Variants in DSC2 observed in about 807,000 individuals in gnomAD.
DSC2 encodes desmocollin 2.
DSC2 carries 51 observed loss-of-function variants against 87.6 expected under a neutral mutation model. The ratio of observed to expected loss-of-function variants is 0.58; its 90% CI spans 0.46 to 0.74. The LOEUF (loss-of-function observed/expected upper bound fraction) is 0.74. Ranked by LOEUF, DSC2 falls within the 30% of genes least tolerant of loss-of-function variation. The pLI is 0.00. For missense variants in DSC2, 1,066 were observed against 1,089.5 expected (o/e 0.98, Z 0.30); for synonymous variants, 383 against 393.2 (o/e 0.97, Z 0.31).
chr18:31,070,683 C>A (rs746396691), intron 14 of DSC2, 43 bp downstream of exon 14: 1 of 1,611,364 alleles, frequency 6.2e-7, no homozygotes, highest in South Asian at 1.1e-5. Context: ...GCATTATAAG[C>A]GAATTCATCC....
At chr18:31,097,148 C>G (rs62087332) in intron 1 of DSC2, among the ~76,000 whole-genome samples, 1 of 151,530 alleles carries the variant, frequency 6.6e-6, no homozygotes, top group African/African-American at 2.4e-5. Context: ...ATTAGCCAGG[C>G]GTGGTGGCGG....
intron 2 of DSC2, 98 bp downstream of exon 2, chr18:31,093,461 G>T: frequency 1.1e-6 from 1 of 900,342 alleles, no homozygotes. Flanking sequence ...CCCTTCCAAG[G>T]GACAAGATCT....
rs1173445073 is a variant in DSC2 at position 31,089,187 on chromosome 18, TTCTTCAAAGTGG to T, written c.630+240_630+251del. 3.9e-3 allele frequency among the ~76,000 whole-genome samples: 571 copies of T among 148,284 alleles called. 4 individuals are homozygous for T. Among genetic ancestry groups the T allele is most frequent in the African/African-American group, 0.013 (538 of 40,492 alleles). On this transcript the variant is annotated intron_variant, in intron 5 of 15. Coordinates refer to ENST00000280904, the MANE Select transcript of DSC2 (RefSeq NM_024422.6). ...CTCAAAAAAAAAAAAAAAAAAACTG[TTCTTCAAAGTGG>T]TACTGTTGTGGGGGAAAAAAAAATA...
Position 31,082,259 on chromosome 18 carries a change from T to C in DSC2, c.1242A>G (p.Glu414=), listed in dbSNP as rs535216461. Residue 414 remains glutamate, a synonymous_variant, in exon 9 of 16, where the codon GAA becomes GAG. Coordinates refer to ENST00000280904, the MANE Select transcript of DSC2 (RefSeq NM_024422.6). ...TTACCTTAACTACACAAAGAACTCC[T>C]TCATTGGTTTTGGCATCTGTTACAA... The part of the protein sequence containing the change: ...FKIVTDAKTN[E]GVLCVVKPLN... 6.2e-7 allele frequency: 1 copy of C among 1,613,616 alleles called. No individual in the cohort carries two copies. Among genetic ancestry groups the C allele is most frequent in the South Asian group, 1.1e-5 (1 of 91,016 alleles).
At position 31,074,733 on chromosome 18, in the gene DSC2, T is replaced by C. The variant is rs755025922; in HGVS notation, c.1838A>G (p.Glu613Gly). 6.2e-7 allele frequency: 1 copy of C among 1,613,958 alleles called. No homozygotes were observed. Among genetic ancestry groups the C allele is most frequent in the Non-Finnish European group, 8.5e-7 (1 of 1,179,958 alleles). Residue 613 changes from glutamate (E) to glycine (G), a missense_variant, in exon 12 of 16, where the codon GAG becomes GGG. Glu to Gly is a moderately conservative substitution (Grantham distance 98). Transcript: ENST00000280904. ...TCTCTGTACTTCTGAAGTAGAACTCTCCAGACTAAAGTCAAAGGGTGGGCC... is the reference window on the plus strand; with the variant it reads ...TCTCTGTACTTCTGAAGTAGAACTCCCCAGACTAAAGTCAAAGGGTGGGCC... ...IHGPPFDFSL[E>G]SSTSEVQRMW...
intron 11 of DSC2, among the ~76,000 whole-genome samples, chr18:31,075,966 G>A (rs1474093825): frequency 6.6e-6 from 1 of 152,196 alleles, no homozygotes; most frequent in East Asian, 1.9e-4. Flanking sequence ...AAACAGCCAT[G>A]GACCCACGCC....
At chr18:31,091,253 G>T (rs961389547) in intron 3 of DSC2, 106 bp from the exon 4 acceptor site, 2 of 1,413,280 alleles carry the variant, frequency 1.4e-6, no homozygotes, top group Admixed American at 1.9e-5. Flanking sequence ...GCTGGGTAGG[G>T]GTGAGACCAT....
chr18:31,069,192 G>A, intron 14 of DSC2, 41 bp from the exon 15 acceptor site: 1 of 1,612,776 alleles, frequency 6.2e-7, no homozygotes, highest in Non-Finnish European at 8.5e-7. Context: ...ATACAGAGAG[G>A]AACACAAAAT....
At position 31,071,683 on chromosome 18, in the gene DSC2, G is replaced by T. The variant is rs1386709734; in HGVS notation, c.2047C>A (p.Pro683Thr). The change falls in exon 13 of 16, where the codon CCA becomes ACA. Residue 683 changes from proline to threonine, a missense_variant. Physicochemically the swap from Pro to Thr is conservative, Grantham distance 38. Transcript: ENST00000280904. ...TENDCTHRVD[P>T]RIGGGGVQLG... ...TGTACTCCTCCACCGCCAATCCTTG[G>T]ATCTACACGATGTGTGCAGTCATTT... The T allele has an allele frequency of 6.2e-7, 1 of 1,613,558 alleles. No homozygotes were observed. The highest frequency in any genetic ancestry group is 8.5e-7 in the Non-Finnish European group (1 of 1,179,920).
At chr18:31,081,205 T>G (rs1164863394) in intron 9 of DSC2, among the ~76,000 whole-genome samples, 1 of 152,152 alleles carries the variant, frequency 6.6e-6, no homozygotes, top group African/African-American at 2.4e-5. Context: ...TTAAAATGCT[T>G]TTAAGAGGAG....
intron 11 of DSC2, among the ~76,000 whole-genome samples, chr18:31,075,380 G>T (rs1986981159): frequency 6.6e-6 from 1 of 152,186 alleles, no homozygotes; most frequent in Admixed American, 6.5e-5. Flanking sequence ...TAAATAGGTA[G>T]CACTTAGGTT....
At position 31,060,276 on chromosome 18, in the gene DSC2, G is replaced by C. The variant is rs1435233879; in HGVS notation, c.*7739C>G. The C allele has an allele frequency of 8.7e-6, 1 of 115,212 alleles. No homozygotes were observed. The highest frequency in any genetic ancestry group is 3.3e-5 in the African/African-American group (1 of 30,244). The allele number at this position is 115,212 out of a possible 1,614,324, so 7.1% of individuals were successfully genotyped here. A position where few individuals can be genotyped will look rare whatever the true frequency, so the allele number is the denominator to read the frequency against. ...AAATCCCTTTTACTTGATTTCATTG[G>C]TAATTCTGCATCACATCTTGTGTAT... is the stretch of plus-strand genomic sequence containing the variant. On this transcript the variant is annotated 3_prime_UTR_variant, in exon 16 of 16. Transcript: ENST00000280904.
rs866805043 is a variant in DSC2, at chr18:31,069,058, C to T, written c.2344G>A (p.Glu782Lys). The change falls in exon 15 of 16, where the codon GAG becomes AAG. Residue 782 changes from glutamate (E) to lysine (K), a missense_variant. Coordinates refer to ENST00000280904, the MANE Select transcript of DSC2 (RefSeq NM_024422.6). ...VGSGIKNGGQ[E>K]TIEMVKGGHQ... ...CCTCCTTTCACCATTTCGATGGTCTCCTGACCTCCGTTTTTGATTCCTGAT... is the reference window on the plus strand; with the variant it reads ...CCTCCTTTCACCATTTCGATGGTCTTCTGACCTCCGTTTTTGATTCCTGAT... 3.7e-6 allele frequency: 6 copies of T among 1,614,112 alleles called. No homozygotes were observed. The highest frequency in any genetic ancestry group is 5.1e-6 in the Non-Finnish European group (6 of 1,180,008).
chr18:31,101,958 C>A lies in DSC2; in HGVS notation c.14G>T (p.Arg5Leu), dbSNP rs899009158. The change falls in exon 1 of 16, where the codon CGC becomes CTC. Residue 5 changes from arginine (R) to leucine (L), a missense_variant. Arg to Leu is a moderately radical substitution (Grantham distance 102). Coordinates refer to ENST00000280904, the MANE Select transcript of DSC2 (RefSeq NM_024422.6). MEAA[R>L]PSGSWNGALC... ...GGCTCCGTTCCAGGAGCCGGAGGGGCGGGCTGCCTCCATGGAGAGGGCTCG... is the reference window on the plus strand; with the variant it reads ...GGCTCCGTTCCAGGAGCCGGAGGGGAGGGCTGCCTCCATGGAGAGGGCTCG... 3.9e-6 allele frequency: 6 copies of A among 1,525,936 alleles called. No homozygotes were observed. The highest frequency in any genetic ancestry group is 2.5e-5 in the East Asian group (1 of 39,844). The allele number at this position is 1,525,936 out of a possible 1,614,324, so 94.5% of individuals were successfully genotyped here. A position where few individuals can be genotyped will look rare whatever the true frequency, so the allele number is the denominator to read the frequency against.
In DSC2 at chr18:31,074,918, G is replaced by A; in HGVS notation, c.1664-11C>T. On this transcript the variant is annotated splice_polypyrimidine_tract_variant and intron_variant, in intron 11 of 15. Coordinates refer to ENST00000280904, the MANE Select transcript of DSC2 (RefSeq NM_024422.6). Reference sequence around the variant, plus strand: ...TACATGTTCTCCCTCCTAGAAAAATGAAAATAAAAATAGTTTTTCTATGTT... The same window carrying A: ...TACATGTTCTCCCTCCTAGAAAAATAAAAATAAAAATAGTTTTTCTATGTT... 1.2e-6 allele frequency: 2 copies of A among 1,606,790 alleles called. No individual in the cohort carries two copies. The highest frequency in any genetic ancestry group is 1.7e-6 in the Non-Finnish European group (2 of 1,175,936).
At chr18:31,073,446 T>C (rs957329147) in intron 12 of DSC2, among the ~76,000 whole-genome samples, 3 of 151,890 alleles carry the variant, frequency 2.0e-5, no homozygotes, top group East Asian at 1.9e-4. Context: ...GAAAATCTTG[T>C]TAGTTCACAG....
At position 31,089,607 on chromosome 18, in the gene DSC2, T is replaced by G. The variant is rs751631188; in HGVS notation, c.475-13A>C. The G allele has an allele frequency of 6.2e-7, 1 of 1,611,128 alleles. No individual in the cohort carries two copies. Among genetic ancestry groups the G allele is most frequent in the African/African-American group, 1.3e-5 (1 of 74,858 alleles). ...TGTCAGATTGAACCTAGAAAGTAGA[T>G]ATTATATACATGAGACAAATCTTTA... On this transcript the variant is annotated splice_polypyrimidine_tract_variant and intron_variant, in intron 4 of 15. Transcript: ENST00000280904.
intron 12 of DSC2, 128 bp downstream of exon 12, chr18:31,074,555 A>G: frequency 1.1e-6 from 1 of 901,264 alleles, no homozygotes; most frequent in Non-Finnish European, 1.7e-6. Context: ...CTCCCAACAC[A>G]CAAAAACTGA....
At chr18:31,096,267 C>G (rs1439214206) in intron 1 of DSC2, among the ~76,000 whole-genome samples, 1 of 152,110 alleles carries the variant, frequency 6.6e-6, no homozygotes, top group Non-Finnish European at 1.5e-5. Context: ...CATCCTAAAG[C>G]ATCAAAGAGC....
Sources: gnomAD v4.1 joint callset for allele counts (sites outside exome capture counted in the v4.1 genomes callset) on GRCh38, gnomAD v4.1.1 for gene constraint, MANE v1.5 for transcripts, NCBI Gene and HGNC (gene_info 2026-07-23, HGNC 2026-07-21) for gene names.